ADAMTSL1: variants seen among roughly 807,000 people sequenced by gnomAD.
ADAMTSL1 encodes ADAMTS-like protein 1.
A neutral mutation model predicts 201.8 loss-of-function variants in ADAMTSL1; 126 were observed. The observed-to-expected ratio is 0.62, with a 90% CI of 0.54 to 0.72. ADAMTSL1 has a LOEUF of 0.72. Among genes scored for constraint, ADAMTSL1 ranks in the 30% least tolerant of loss-of-function variants. ADAMTSL1 has a pLI of 0.00. For synonymous variants in ADAMTSL1, 1,121 were observed against 903.4 expected (o/e 1.24, Z -4.32); for missense variants, 2,679 against 2,277.8 (o/e 1.18, Z -3.59).
intron 1 of ADAMTSL1, among the ~76,000 whole-genome samples, chr9:17,922,752 G>A (rs577055524): frequency 2.0e-5 from 3 of 152,048 alleles, no homozygotes; most frequent in Non-Finnish European, 2.9e-5. Context: ...CAGAGCATAC[G>A]CTATTATTTT....
At chr9:18,769,398 T>G (rs1820552947) in intron 16 of ADAMTSL1, among the ~76,000 whole-genome samples, 1 of 152,114 alleles carries the variant, frequency 6.6e-6, no homozygotes, top group Admixed American at 6.5e-5. Flanking sequence ...TCCCTAAAAT[T>G]TTACAATAAA....
chr9:18,840,311 G>T (rs1203793076), intron 23 of ADAMTSL1, among the ~76,000 whole-genome samples: 5 of 150,406 alleles, frequency 3.3e-5, no homozygotes, highest in Non-Finnish European at 4.4e-5. Context: ...CCCATTGCTT[G>T]TTTTTCTCAG....
intron 23 of ADAMTSL1, among the ~76,000 whole-genome samples, chr9:18,833,806 G>A (rs1054853032): frequency 6.6e-6 from 1 of 152,056 alleles, no homozygotes; most frequent in East Asian, 1.9e-4. Flanking sequence ...GTCTTCTAGG[G>A]TTTTTACAGT....
At chr9:18,350,714 C>T (rs1255874935) in intron 2 of ADAMTSL1, among the ~76,000 whole-genome samples, 1 of 152,138 alleles carries the variant, frequency 6.6e-6, no homozygotes, top group Non-Finnish European at 1.5e-5. Flanking sequence ...ACTTTTCCTT[C>T]ACCTGAAGAG....
At chr9:18,207,026 G>A (rs376965537) in intron 2 of ADAMTSL1, among the ~76,000 whole-genome samples, 24 of 152,072 alleles carry the variant, frequency 1.6e-4, no homozygotes, top group African/African-American at 5.3e-4. Context: ...TTAGCTGGGC[G>A]TCGTGGTGCA....
intron 23 of ADAMTSL1, among the ~76,000 whole-genome samples, chr9:18,887,159 A>G (rs1264752633): frequency 6.6e-6 from 1 of 152,208 alleles, no homozygotes; most frequent in Admixed American, 6.5e-5. Flanking sequence ...CACAACTGCA[A>G]CCTGTTTATC....
chr9:18,780,096 A>T (rs1487408049), intron 19 of ADAMTSL1, among the ~76,000 whole-genome samples: 1 of 152,136 alleles, frequency 6.6e-6, no homozygotes, highest in Non-Finnish European at 1.5e-5. Context: ...AGGTCCTGAC[A>T]ATTTCTTTGA....
intron 1 of ADAMTSL1, among the ~76,000 whole-genome samples, chr9:18,499,076 G>T (rs2131895488): frequency 6.6e-6 from 1 of 152,348 alleles, no homozygotes; most frequent in East Asian, 1.9e-4. Flanking sequence ...CCCTGTTACA[G>T]AATTGACTTT....
At chr9:18,664,232 T>C (rs1031782422) in intron 9 of ADAMTSL1, among the ~76,000 whole-genome samples, 1 of 152,092 alleles carries the variant, frequency 6.6e-6, no homozygotes, top group East Asian at 1.9e-4. Context: ...ATGAAATTCA[T>C]TGAACTCTTT....
intron 2 of ADAMTSL1, among the ~76,000 whole-genome samples, chr9:18,461,570 T>C (rs1820807864): frequency 6.6e-6 from 1 of 152,174 alleles, no homozygotes; most frequent in Non-Finnish European, 1.5e-5. Flanking sequence ...ACCTTTTTAT[T>C]TAATCTACCT....
At chr9:18,429,155 A>G (rs1163906528) in intron 2 of ADAMTSL1, among the ~76,000 whole-genome samples, 1 of 152,132 alleles carries the variant, frequency 6.6e-6, no homozygotes, top group Non-Finnish European at 1.5e-5. Flanking sequence ...GTGAATTTGC[A>G]TCTATAAATT....
chr9:18,407,946 A>G (rs566800780), intron 2 of ADAMTSL1, among the ~76,000 whole-genome samples: 5 of 152,326 alleles, frequency 3.3e-5, no homozygotes, highest in South Asian at 4.1e-4. Flanking sequence ...GGGATGTTTC[A>G]GTTCGAATAA....
At chr9:17,947,143 TTTATAGTTAACTATATATACATATATAG>T (rs1827522288) in intron 1 of ADAMTSL1, among the ~76,000 whole-genome samples, 1 of 151,142 alleles carries the variant, frequency 6.6e-6, no homozygotes, top group Non-Finnish European at 1.5e-5. Flanking sequence ...GCTATATATA[TTTATAGTTAACTATATATACATATATAG>T]TTATATATAG....
intron 4 of ADAMTSL1, among the ~76,000 whole-genome samples, chr9:18,588,650 G>A (rs898134145): frequency 2.0e-5 from 3 of 151,640 alleles, no homozygotes; most frequent in African/African-American, 7.3e-5. Context: ...AAAAAATGGG[G>A]CTCTAATTTT....
chr9:18,882,875 C>T (rs898955524), intron 23 of ADAMTSL1, among the ~76,000 whole-genome samples: 3 of 151,772 alleles, frequency 2.0e-5, no homozygotes, highest in Non-Finnish European at 2.9e-5. Flanking sequence ...GCCTGTAATC[C>T]TAGCTATTTG....
chr9:18,658,029 C>A (rs1828819203), intron 8 of ADAMTSL1, among the ~76,000 whole-genome samples: 1 of 146,962 alleles, frequency 6.8e-6, no homozygotes, highest in African/African-American at 2.5e-5. Flanking sequence ...GGCTGGAGTG[C>A]AGTGGCGCCA....
At chr9:18,839,661 G>A (rs1179974790) in intron 23 of ADAMTSL1, among the ~76,000 whole-genome samples, 1 of 152,160 alleles carries the variant, frequency 6.6e-6, no homozygotes, top group Non-Finnish European at 1.5e-5. Flanking sequence ...CAGTGTAAAA[G>A]TGTTCCTATT....
At chr9:18,373,528 G>A (rs1837146327) in intron 2 of ADAMTSL1, among the ~76,000 whole-genome samples, 1 of 151,974 alleles carries the variant, frequency 6.6e-6, no homozygotes, top group South Asian at 2.1e-4. Flanking sequence ...GAAGTTAGGA[G>A]TCATAAATTT....
intron 1 of ADAMTSL1, among the ~76,000 whole-genome samples, chr9:17,994,003 T>A (rs1276953426): frequency 6.6e-6 from 1 of 151,962 alleles, no homozygotes; most frequent in Non-Finnish European, 1.5e-5. Flanking sequence ...TGAGTTTTTT[T>A]AATTCGATTT....
Sources: allele counts gnomAD v4.1 joint callset (sites outside exome capture counted in the v4.1 genomes callset), GRCh38; gene constraint gnomAD v4.1.1; transcripts MANE v1.5; gene names NCBI Gene and HGNC (gene_info 2026-07-23, HGNC 2026-07-21).